The following EPHB2 variants were observed in gnomAD, a reference collection of about 807,000 sequenced individuals.
EPHB2 encodes the protein EPH receptor B2.
A neutral mutation model predicts 96.4 loss-of-function variants in EPHB2; 18 were observed. The observed-to-expected ratio is 0.19, with a 90% CI of 0.13 to 0.28. EPHB2 has a LOEUF of 0.28. EPHB2 is among the 10% of genes least tolerant of loss of function. The pLI, the probability that EPHB2 is intolerant of heterozygous loss-of-function variation, is 1.00. For synonymous variants in EPHB2, 506 were observed against 534.1 expected (o/e 0.95, Z 0.72); for missense variants, 989 against 1,355.4 (o/e 0.73, Z 4.25).
At chr1:22,881,803 G>T (rs570200751) in intron 5 of EPHB2, among the ~76,000 whole-genome samples, 1 of 152,204 alleles carries the variant, frequency 6.6e-6, no homozygotes, top group Admixed American at 6.5e-5. Flanking sequence ...ATGTTGGCAA[G>T]GCTGGTCTTG....
chr1:22,738,323 C>G (rs1397306851), intron 1 of EPHB2, among the ~76,000 whole-genome samples: 3 of 152,156 alleles, frequency 2.0e-5, no homozygotes, highest in African/African-American at 7.2e-5. Flanking sequence ...CCCAAATGTT[C>G]TAGCTCCCCA....
rs1408168466 is a variant in EPHB2, at chr1:22,909,008, T to C, written c.2353-14T>C. On this transcript the variant is annotated splice_polypyrimidine_tract_variant and intron_variant, in intron 12 of 15. Transcript: ENST00000374630. ...AGCCTCCCACCCACAAACCCTCCTCTTTCTGTCTCCCAGGGCGGAAAGATC... is the reference window on the plus strand; with the variant it reads ...AGCCTCCCACCCACAAACCCTCCTCCTTCTGTCTCCCAGGGCGGAAAGATC... 6.2e-7 allele frequency: 1 copy of C among 1,614,130 alleles called. No individual in the cohort carries two copies. The highest frequency in any genetic ancestry group is 1.7e-5 in the Admixed American group (1 of 60,020).
Position 22,910,464 on chromosome 1 carries a change from G to T in EPHB2, c.2585G>T (p.Cys862Phe). 1 of 1,614,192 alleles carries T rather than the reference G, an allele frequency of 6.2e-7. No individual in the cohort carries two copies. Among genetic ancestry groups the T allele is most frequent in the Non-Finnish European group, 8.5e-7 (1 of 1,180,016 alleles). ...PSALHQLMLD[C>F]WQKDRNHRPK... ...GCCCTGCACCAACTCATGCTGGACT[G>T]TTGGCAGAAGGACCGCAACCACCGG... The change falls in exon 14 of 16, where the codon TGT becomes TTT. Residue 862 changes from cysteine (C) to phenylalanine (F), a missense_variant. Coordinates refer to ENST00000374630, the MANE Select transcript of EPHB2 (RefSeq NM_017449.5).
chr1:22,818,191 A>G (rs998661624), intron 3 of EPHB2, among the ~76,000 whole-genome samples: 2 of 151,940 alleles, frequency 1.3e-5, no homozygotes, highest in Admixed American at 6.5e-5. Flanking sequence ...TGCTCGATCC[A>G]TCTGTCTCAA....
intron 5 of EPHB2, among the ~76,000 whole-genome samples, chr1:22,874,644 A>G (rs886542696): frequency 2.0e-5 from 3 of 152,134 alleles, no homozygotes; most frequent in Non-Finnish European, 4.4e-5. Context: ...GGGAGGGATT[A>G]ACCCCTACTC....
At chr1:22,894,503 A>G (rs1413639471) in intron 7 of EPHB2, among the ~76,000 whole-genome samples, 1 of 151,880 alleles carries the variant, frequency 6.6e-6, no homozygotes, top group Admixed American at 6.6e-5. Context: ...AGACTGAGAC[A>G]GGAGAATCGC....
At chr1:22,827,222 A>G (rs543612478) in intron 3 of EPHB2, among the ~76,000 whole-genome samples, 2 of 152,298 alleles carry the variant, frequency 1.3e-5, no homozygotes, top group East Asian at 3.9e-4. Context: ...GCTTCCCCAG[A>G]TGAATGTGTC....
intron 3 of EPHB2, among the ~76,000 whole-genome samples, chr1:22,819,032 C>T (rs1350231768): frequency 1.3e-5 from 2 of 151,700 alleles, no homozygotes; most frequent in Non-Finnish European, 2.9e-5. Context: ...CTGGGGGCAG[C>T]TAATGAAGTC....
intron 3 of EPHB2, among the ~76,000 whole-genome samples, chr1:22,795,088 C>G (rs898927683): frequency 6.6e-6 from 1 of 152,182 alleles, no homozygotes; most frequent in African/African-American, 2.4e-5. Context: ...CCTGTTTGGG[C>G]ACCCCCGTCC....
At chr1:22,767,751 C>T (rs1644327204) in intron 1 of EPHB2, among the ~76,000 whole-genome samples, 1 of 152,190 alleles carries the variant, frequency 6.6e-6, no homozygotes, top group Admixed American at 6.5e-5. Context: ...TGATTTCGAG[C>T]CCTGCTCCAT....
chr1:22,856,531 G>C (rs1645702150), intron 3 of EPHB2, among the ~76,000 whole-genome samples: 2 of 152,168 alleles, frequency 1.3e-5, no homozygotes, highest in African/African-American at 4.8e-5. Flanking sequence ...CTGACAAGAT[G>C]GTGTCCAGCT....
At chr1:22,837,872 C>A (rs780050624) in intron 3 of EPHB2, among the ~76,000 whole-genome samples, 2 of 152,176 alleles carry the variant, frequency 1.3e-5, no homozygotes, top group Non-Finnish European at 2.9e-5. Flanking sequence ...TGCCTGTCGT[C>A]CAGCTGGTGC....
chr1:22,805,110 C>T (rs2148453445), intron 3 of EPHB2, among the ~76,000 whole-genome samples: 1 of 151,862 alleles, frequency 6.6e-6, no homozygotes, highest in Non-Finnish European at 1.5e-5. Flanking sequence ...TCCTTGCCCC[C>T]ACCACCTCCC....
chr1:22,881,072 G>A (rs1313255558), intron 5 of EPHB2, among the ~76,000 whole-genome samples: 2 of 152,060 alleles, frequency 1.3e-5, no homozygotes, highest in African/African-American at 4.8e-5. Flanking sequence ...CCAGGAGTTC[G>A]AGACCAACCT....
At chr1:22,886,510 A>G (rs181995371) in intron 6 of EPHB2, among the ~76,000 whole-genome samples, 1 of 151,998 alleles carries the variant, frequency 6.6e-6, no homozygotes, top group Admixed American at 6.5e-5. Flanking sequence ...GGAGACATGG[A>G]GACACAGGGA....
chr1:22,774,002 C>T (rs1213882350), intron 1 of EPHB2, among the ~76,000 whole-genome samples: 2 of 152,244 alleles, frequency 1.3e-5, no homozygotes, highest in Admixed American at 6.5e-5. Context: ...GAGTGCTAAG[C>T]GCTTGGCCTA....
At position 22,906,996 on chromosome 1, in the gene EPHB2, G is replaced by A. The variant is rs80179617; in HGVS notation, c.2136+39G>A. On this transcript the variant is annotated intron_variant, in intron 11 of 15. Coordinates refer to ENST00000374630, the MANE Select transcript of EPHB2 (RefSeq NM_017449.5). This position sits in a 1 kb window ranked among gnomAD's most constrained non-coding sequence, Gnocchi z 4.8. Reference sequence around the variant, plus strand: ...AGAGGGCCAGGGGCCCATGAATGGGGCAGGAAAAGGAACGATGGACATAGC... The same window carrying A: ...AGAGGGCCAGGGGCCCATGAATGGGACAGGAAAAGGAACGATGGACATAGC... The A allele has an allele frequency of 4.3e-3, 6,706 of 1,570,894 alleles. 231 individuals carry two copies. The African/African-American group carries it at 0.083, about 19-fold the overall frequency.
intron 1 of EPHB2, among the ~76,000 whole-genome samples, chr1:22,724,544 G>A (rs1423091067): frequency 1.3e-5 from 2 of 152,194 alleles, no homozygotes; most frequent in Non-Finnish European, 2.9e-5. Context: ...TTTCAGAGGA[G>A]GGAAGAAAGA....
chr1:22,720,178 A>G (rs1427532666), intron 1 of EPHB2, among the ~76,000 whole-genome samples: 1 of 152,188 alleles, frequency 6.6e-6, no homozygotes, highest in African/African-American at 2.4e-5. Context: ...AGGCTTCTTA[A>G]GGGCTGGGCT....
Sources: gnomAD v4.1 joint callset for allele counts (sites outside exome capture counted in the v4.1 genomes callset) on GRCh38, gnomAD v4.1.1 for gene constraint, Gnocchi (gnomAD v3.1) non-coding constraint, MANE v1.5 for transcripts, NCBI Gene and HGNC (gene_info 2026-07-23, HGNC 2026-07-21) for gene names.